The following CSMD3 variants were observed in gnomAD, a reference collection of about 807,000 sequenced individuals.
The protein encoded by CSMD3 is CUB and sushi domain-containing protein 3.
A neutral mutation model predicts 435.2 loss-of-function variants in CSMD3; 177 were observed. The ratio of observed to expected loss-of-function variants is 0.41; its 90% confidence interval spans 0.36 to 0.46. CSMD3 has a LOEUF of 0.46. Ranked by LOEUF, CSMD3 falls within the 20% of genes least tolerant of loss-of-function variation. The pLI is 0.34. For synonymous variants in CSMD3, 1,656 were observed against 1,520.5 expected, an observed-to-expected ratio of 1.09 and a Z score of -2.07; for missense variants, 4,265 against 4,504.6, an observed-to-expected ratio of 0.95 and a Z score of 1.52.
At position 112,459,924 on chromosome 8, in the gene CSMD3, C is replaced by T. The variant is rs573289799; in HGVS notation, c.5395+12667G>A. Among the ~76,000 whole-genome samples, 97 of 152,264 alleles carry T rather than the reference C, an allele frequency of 6.4e-4. No homozygotes were observed. In the South Asian group the frequency reaches 9.1e-3, roughly 14 times the overall value. ...TTCTTTTTGGCTGGAATGTCCTTCTCCAGCTAACAATTACACATTCATTAA... is the reference window on the plus strand; with the variant it reads ...TTCTTTTTGGCTGGAATGTCCTTCTTCAGCTAACAATTACACATTCATTAA... On this transcript the variant is annotated intron_variant, in intron 32 of 70. Transcript: ENST00000297405.
rs2075995677 is a variant in CSMD3, at chr8:112,685,699, C to T, written c.2189G>A (p.Gly730Glu). ...PCLSNFTAPM[G>E]TVLSPDYPEG... is the part of the protein sequence containing the mutation. ...TGGGTAATCAGGAGAAAGAACTGTT[C>T]CCATTGGTGCAGTAAAGTTAGACAG... Residue 730 changes from glycine to glutamate, a missense_variant, in exon 15 of 71, where the codon GGA becomes GAA. Coordinates refer to ENST00000297405, the MANE Select transcript of CSMD3 (RefSeq NM_198123.2). The T allele has an allele frequency of 6.2e-7, 1 of 1,612,776 alleles. No homozygotes were observed. The highest frequency in any genetic ancestry group is 8.5e-7 in the Non-Finnish European group (1 of 1,178,978).
At chr8:113,433,382 T>C (rs149444119) in intron 1 of CSMD3, among the ~76,000 whole-genome samples, 25 of 152,278 alleles carry the variant, frequency 1.6e-4, no homozygotes, top group African/African-American at 6.0e-4. Context: ...CATGGCCACC[T>C]GGGCGGGCGT....
At chr8:112,930,242 T>A (rs561576304) in intron 9 of CSMD3, among the ~76,000 whole-genome samples, 68 of 152,222 alleles carry the variant, frequency 4.5e-4, no homozygotes, top group African/African-American at 1.6e-3. Context: ...CATTGCTATA[T>A]CACTCCCTGT....
At chr8:112,232,942 C>A (rs1342843707) in intron 68 of CSMD3, among the ~76,000 whole-genome samples, 1 of 152,118 alleles carries the variant, frequency 6.6e-6, no homozygotes, top group Non-Finnish European at 1.5e-5. Context: ...TCAAGTAGTG[C>A]CTCCACAGCT....
At chr8:112,890,863 CAGTT>C (rs1266559948) in intron 10 of CSMD3, among the ~76,000 whole-genome samples, 6 of 151,704 alleles carry the variant, frequency 4.0e-5, no homozygotes, top group African/African-American at 7.2e-5. Flanking sequence ...ATGGAGCAGT[CAGTT>C]AATGTTTTGT....
At chr8:113,331,387 A>G (rs972277238) in intron 1 of CSMD3, among the ~76,000 whole-genome samples, 1 of 151,788 alleles carries the variant, frequency 6.6e-6, no homozygotes, top group Non-Finnish European at 1.5e-5. Context: ...AACTTTTCAC[A>G]AACTCTTTCA....
At chr8:112,560,446 T>C (rs1217909622) in intron 24 of CSMD3, among the ~76,000 whole-genome samples, 1 of 151,778 alleles carries the variant, frequency 6.6e-6, no homozygotes, top group African/African-American at 2.4e-5. Flanking sequence ...ATGTTCATGA[T>C]TGAATGTGGA....
At chr8:112,362,860 A>G (rs1382975098) in intron 38 of CSMD3, among the ~76,000 whole-genome samples, 1 of 152,000 alleles carries the variant, frequency 6.6e-6, no homozygotes, top group East Asian at 1.9e-4. Flanking sequence ...AAAGTAACAT[A>G]TTAAACGAAT....
intron 1 of CSMD3, among the ~76,000 whole-genome samples, chr8:113,406,238 A>T (rs2094532323): frequency 1.3e-5 from 2 of 151,914 alleles, no homozygotes; most frequent in Non-Finnish European, 2.9e-5. Context: ...ATACTTAATG[A>T]TAAAATGTGC....
chr8:112,533,266 C>CTTATCTATCAAAGTCA, intron 27 of CSMD3, among the ~76,000 whole-genome samples: 1 of 151,828 alleles, frequency 6.6e-6, no homozygotes, highest in East Asian at 1.9e-4. Flanking sequence ...TTTGTAAGTC[C>CTTATCTATCAAAGTCA]TTATCTATCA....
intron 3 of CSMD3, among the ~76,000 whole-genome samples, chr8:113,269,665 A>G (rs957580237): frequency 1.3e-5 from 2 of 151,716 alleles, no homozygotes; most frequent in African/African-American, 4.9e-5. Context: ...ACACATCTAC[A>G]ACCATCTGAT....
chr8:113,412,365 T>TG (rs1462819920), intron 1 of CSMD3, among the ~76,000 whole-genome samples: 2 of 152,120 alleles, frequency 1.3e-5, no homozygotes, highest in Non-Finnish European at 2.9e-5. Context: ...TTACTTGAAC[T>TG]GGGTGGACTT....
chr8:112,654,389 A>C (rs1024380637), intron 18 of CSMD3, among the ~76,000 whole-genome samples: 37 of 152,162 alleles, frequency 2.4e-4, no homozygotes, highest in African/African-American at 8.7e-4. Flanking sequence ...AATAGAATAA[A>C]ATGAGAGAAG....
intron 13 of CSMD3, among the ~76,000 whole-genome samples, chr8:112,725,292 A>C (rs1241058906): frequency 6.6e-6 from 1 of 152,000 alleles, no homozygotes; most frequent in Non-Finnish European, 1.5e-5. Flanking sequence ...AGTGGGGTTT[A>C]GTGTGCTAGT....
At chr8:112,373,078 G>T (rs1201796135) in intron 38 of CSMD3, among the ~76,000 whole-genome samples, 8 of 149,202 alleles carry the variant, frequency 5.4e-5, no homozygotes. Context: ...TTGCTGGGAG[G>T]AATCTCAGCC....
chr8:113,414,640 G>A (rs1408484294), intron 1 of CSMD3, among the ~76,000 whole-genome samples: 3 of 132,118 alleles, frequency 2.3e-5, no homozygotes, highest in Non-Finnish European at 3.1e-5. Context: ...ATTTTCAAAT[G>A]TGCCCAAATA....
chr8:112,890,066 T>A (rs1019949224), intron 10 of CSMD3, among the ~76,000 whole-genome samples: 10 of 151,744 alleles, frequency 6.6e-5, no homozygotes, highest in African/African-American at 2.4e-4. Flanking sequence ...CACTTGTTAA[T>A]TATTAAATGC....
At chr8:112,724,592 A>G (rs957668733) in intron 13 of CSMD3, among the ~76,000 whole-genome samples, 3 of 152,118 alleles carry the variant, frequency 2.0e-5, no homozygotes, top group Non-Finnish European at 2.9e-5. Flanking sequence ...ATTCGCATAC[A>G]TAACTTGGGG....
chr8:112,499,878 G>A (rs1821766644), intron 30 of CSMD3, among the ~76,000 whole-genome samples: 1 of 152,048 alleles, frequency 6.6e-6, no homozygotes, highest in Admixed American at 6.6e-5. Flanking sequence ...CAGCTCTTGA[G>A]GAGGGCCGGA....
Sources: allele counts gnomAD v4.1 joint callset (sites outside exome capture counted in the v4.1 genomes callset), GRCh38; gene constraint gnomAD v4.1.1; transcripts MANE v1.5; gene names NCBI Gene and HGNC (gene_info 2026-07-23, HGNC 2026-07-21).